Variants in RASA1 observed in about 807,000 individuals in gnomAD.
RASA1 encodes the protein RAS p21 protein activator 1.
Under a neutral mutation model 132.2 loss-of-function variants are expected in RASA1, and 25 were observed. That is an observed-to-expected ratio of 0.19 (90% CI 0.14 to 0.26). The LOEUF (loss-of-function observed/expected upper bound fraction) is 0.26. RASA1 is among the 10% of genes least tolerant of loss of function. RASA1 has a pLI of 1.00. For missense variants in RASA1, 964 were observed against 1,299.2 expected, an observed-to-expected ratio of 0.74 and a Z score of 3.97; for synonymous variants, 477 against 449.9, an observed-to-expected ratio of 1.06 and a Z score of -0.76.
Position 87,279,444 on chromosome 5 carries a change from T to TA in RASA1, c.539+10462dup, listed in dbSNP as rs201947687. Among the ~76,000 whole-genome samples, 1,339 of 152,098 alleles carry TA rather than the reference T, an allele frequency of 8.8e-3. 21 individuals carry two copies. The highest frequency in any genetic ancestry group is 0.028 in the African/African-American group (1,168 of 41,490). On this transcript the variant is annotated intron_variant, in intron 1 of 24. Coordinates refer to ENST00000274376, the MANE Select transcript of RASA1 (RefSeq NM_002890.3). ...GGGTCATTTCTAGTTTTGGGTATTA[T>TA]AAAAAAAAGCTGCTATAAACATTTG...
intron 1 of RASA1, among the ~76,000 whole-genome samples, chr5:87,306,965 C>T (rs1755645150): frequency 6.6e-6 from 1 of 152,104 alleles, no homozygotes; most frequent in African/African-American, 2.4e-5. Context: ...CTCAAGCAGT[C>T]CTCTTGCCTC....
intron 23 of RASA1, among the ~76,000 whole-genome samples, chr5:87,388,932 C>T (rs1326543018): frequency 6.6e-6 from 1 of 152,046 alleles, no homozygotes; most frequent in African/African-American, 2.4e-5. Context: ...ACCCCCCACC[C>T]CTTATTTTTA....
chr5:87,278,634 C>T (rs1203634023), intron 1 of RASA1, among the ~76,000 whole-genome samples: 1 of 152,106 alleles, frequency 6.6e-6, no homozygotes, highest in Non-Finnish European at 1.5e-5. Flanking sequence ...AACTATAGTG[C>T]AGTATCAAAA....
At chr5:87,378,123 T>C (rs1181237573) in intron 17 of RASA1, among the ~76,000 whole-genome samples, 2 of 152,232 alleles carry the variant, frequency 1.3e-5, no homozygotes, top group South Asian at 2.1e-4. Flanking sequence ...TCTTAAGTCA[T>C]ATAACAATTC....
chr5:87,362,060 G>A (rs1395844657), intron 9 of RASA1, among the ~76,000 whole-genome samples: 1 of 152,092 alleles, frequency 6.6e-6, no homozygotes, highest in African/African-American at 2.4e-5. Context: ...GGAACTGTTA[G>A]GTATTTGAAG....
chr5:87,324,818 G>A (rs1490664117), intron 1 of RASA1, among the ~76,000 whole-genome samples: 1 of 151,938 alleles, frequency 6.6e-6, no homozygotes, highest in Non-Finnish European at 1.5e-5. Context: ...GGTTGTTCAA[G>A]TGAATTTACC....
In RASA1 at chr5:87,268,894, C is replaced by T; in HGVS notation, c.443C>T (p.Ala148Val). The T allele has an allele frequency of 6.2e-7, 1 of 1,614,056 alleles. No homozygotes were observed. Among genetic ancestry groups the T allele is most frequent in the Non-Finnish European group, 8.5e-7 (1 of 1,179,992 alleles). Reference protein sequence around the residue: ...PPPPYLPPLGAGLGTVDEGDS... With the variant: ...PPPPYLPPLGVGLGTVDEGDS... ...CCCCCTTACCTGCCCCCTTTGGGGGCGGGCCTCGGGACAGTGGACGAAGGT... is the reference window on the plus strand; with the variant it reads ...CCCCCTTACCTGCCCCCTTTGGGGGTGGGCCTCGGGACAGTGGACGAAGGT... Residue 148 changes from alanine to valine, a missense_variant, in exon 1 of 25, where the codon GCG becomes GTG. Coordinates refer to ENST00000274376, the MANE Select transcript of RASA1 (RefSeq NM_002890.3).
intron 1 of RASA1, among the ~76,000 whole-genome samples, chr5:87,281,820 A>G (rs1334138729): frequency 6.6e-6 from 1 of 152,044 alleles, no homozygotes; most frequent in Non-Finnish European, 1.5e-5. Context: ...ACCTCAAGTA[A>G]TCCACCAGTC....
At chr5:87,315,487 A>G (rs1176945853) in intron 1 of RASA1, among the ~76,000 whole-genome samples, 1 of 152,250 alleles carries the variant, frequency 6.6e-6, no homozygotes, top group Non-Finnish European at 1.5e-5. Flanking sequence ...CTGTCAATGT[A>G]TGAATTTGGG....
chr5:87,390,867 C>T lies in RASA1; in HGVS notation c.3128C>T (p.Thr1043Ile). ...LQQKQNQYTKTNDVR is the reference protein window; with the variant it reads ...LQQKQNQYTKINDVR The stretch of plus-strand genomic sequence containing the variant: ...CAAAAACAAAACCAGTATACAAAAA[C>T]CAATGATGTCAGGTAGCAGCCTTCG... Residue 1043 changes from threonine to isoleucine, a missense_variant, in exon 25 of 25, where the codon ACC becomes ATC. Coordinates refer to ENST00000274376, the MANE Select transcript of RASA1 (RefSeq NM_002890.3). 2 of 1,612,328 alleles carry T rather than the reference C, an allele frequency of 1.2e-6. No individual in the cohort carries two copies. Among genetic ancestry groups the T allele is most frequent in the Non-Finnish European group, 1.7e-6 (2 of 1,178,384 alleles).
In RASA1 at chr5:87,378,542, A is replaced by C. The variant is rs1245076042; in HGVS notation, c.2487+4A>C. The stretch of plus-strand genomic sequence containing the variant: ...GGAAAGCAAGCAGTCTTGTGAGGTA[A>C]GAATTTAATGTTTTAATAAGTATTT... On this transcript the variant is annotated splice_donor_region_variant and intron_variant, in intron 18 of 24. Transcript: ENST00000274376. 6.2e-7 allele frequency: 1 copy of C among 1,602,462 alleles called. No individual in the cohort carries two copies. The highest frequency in any genetic ancestry group is 1.3e-5 in the African/African-American group (1 of 74,782).
At chr5:87,275,348 A>C (rs1409492972) in intron 1 of RASA1, among the ~76,000 whole-genome samples, 1 of 152,190 alleles carries the variant, frequency 6.6e-6, no homozygotes, top group African/African-American at 2.4e-5. Context: ...AAGCACTCCA[A>C]AACATAGTGG....
At chr5:87,354,101 A>G (rs1243946670) in intron 9 of RASA1, among the ~76,000 whole-genome samples, 1 of 151,390 alleles carries the variant, frequency 6.6e-6, no homozygotes, top group African/African-American at 2.4e-5. Context: ...TTCATTTCAC[A>G]TGGCTATAGC....
At chr5:87,360,516 AGTT>A (rs1760008295) in intron 9 of RASA1, among the ~76,000 whole-genome samples, 1 of 152,216 alleles carries the variant, frequency 6.6e-6, no homozygotes, top group Non-Finnish European at 1.5e-5. Flanking sequence ...TTAAAACACC[AGTT>A]AACATTGATG....
chr5:87,337,991 T>C lies in RASA1; in HGVS notation c.917T>C (p.Met306Thr), dbSNP rs757272694. The change falls in exon 5 of 25, where the codon ATG (methionine) becomes ACG (threonine). Residue 306 changes from methionine to threonine, a missense_variant. Met to Thr is a moderately conservative substitution (Grantham distance 81). Transcript: ENST00000274376. ...ATTTTCAGTTTCTTAAAAGGAGATA[T>C]GTTCATTGTTCATAATGAATTAGAA... ...TDEISFLKGDMFIVHNELEDG... is the reference protein window; with the variant it reads ...TDEISFLKGDTFIVHNELEDG... The C allele has an allele frequency of 4.4e-6, 7 of 1,609,006 alleles. No individual in the cohort carries two copies. Among genetic ancestry groups the C allele is most frequent in the East Asian group, 2.2e-5 (1 of 44,568 alleles).
chr5:87,319,474 G>A (rs910731410), intron 1 of RASA1, among the ~76,000 whole-genome samples: 15 of 151,468 alleles, frequency 9.9e-5, no homozygotes, highest in Non-Finnish European at 1.9e-4. Context: ...CTTGCCTTTT[G>A]TGCACCCACA....
intron 21 of RASA1, among the ~76,000 whole-genome samples, chr5:87,384,733 T>C (rs1761949025): frequency 6.6e-6 from 1 of 152,158 alleles, no homozygotes; most frequent in South Asian, 2.1e-4. Flanking sequence ...ATTTACATCC[T>C]ACTATCTGTG....
At chr5:87,320,168 C>T (rs1756680655) in intron 1 of RASA1, among the ~76,000 whole-genome samples, 1 of 152,162 alleles carries the variant, frequency 6.6e-6, no homozygotes, top group African/African-American at 2.4e-5. Flanking sequence ...TTTCACTGTC[C>T]ATATCACTGT....
At chr5:87,360,880 T>C (rs1246550087) in intron 9 of RASA1, among the ~76,000 whole-genome samples, 1 of 152,168 alleles carries the variant, frequency 6.6e-6, no homozygotes, top group African/African-American at 2.4e-5. Context: ...CCTGGATCAG[T>C]TTTTTTCTCT....
Sources: gnomAD v4.1 joint callset for allele counts (sites outside exome capture counted in the v4.1 genomes callset) on GRCh38, gnomAD v4.1.1 for gene constraint, MANE v1.5 for transcripts, NCBI Gene and HGNC (gene_info 2026-07-23, HGNC 2026-07-21) for gene names.